TSNAX: variants seen among roughly 807,000 people sequenced by gnomAD.
The protein encoded by TSNAX is translin-associated protein X.
In TSNAX, 12 loss-of-function variants were observed where a neutral mutation model predicts 33.0. The observed-to-expected ratio is 0.36, with a 90% CI of 0.23 to 0.59. The LOEUF (loss-of-function observed/expected upper bound fraction) is 0.59, where lower values mean the gene tolerates loss of function less well. Ranked by LOEUF, TSNAX falls within the 20% of genes least tolerant of loss-of-function variation. TSNAX has a pLI of 0.74. For synonymous variants in TSNAX, 110 were observed against 117.2 expected (o/e 0.94, Z 0.40); for missense variants, 267 against 341.3 (o/e 0.78, Z 1.72).
intron 3 of TSNAX, among the ~76,000 whole-genome samples, chr1:231,539,453 A>G (rs1659411913): frequency 6.6e-6 from 1 of 152,166 alleles, no homozygotes; most frequent in African/African-American, 2.4e-5. Flanking sequence ...TGTTGCTAAG[A>G]AAGTTTTGGA....
chr1:231,539,736 T>G (rs376685070), intron 3 of TSNAX, among the ~76,000 whole-genome samples: 2 of 152,258 alleles, frequency 1.3e-5, no homozygotes, highest in East Asian at 3.8e-4. Context: ...AGCAGATTTC[T>G]TATTTTGTGC....
At chr1:231,547,477 G>A (rs1397575955) in intron 4 of TSNAX, among the ~76,000 whole-genome samples, 1 of 135,642 alleles carries the variant, frequency 7.4e-6, no homozygotes, top group Admixed American at 8.7e-5. Flanking sequence ...TGCAAGCTCC[G>A]CCTCCTGGGT....
chr1:231,556,878 G>A (rs1044262932), intron 4 of TSNAX, among the ~76,000 whole-genome samples: 1 of 151,854 alleles, frequency 6.6e-6, no homozygotes, highest in Admixed American at 6.5e-5. Flanking sequence ...TAATGTAAGT[G>A]GGGGTGAAAT....
intron 5 of TSNAX, among the ~76,000 whole-genome samples, chr1:231,563,887 G>A (rs140815138): frequency 1.6e-3 from 239 of 152,176 alleles, no homozygotes; most frequent in African/African-American, 4.9e-3. Flanking sequence ...AATTTGTAGC[G>A]GTACAGACTC....
At position 231,557,463 on chromosome 1, in the gene TSNAX, T is replaced by C. The variant is rs530420904; in HGVS notation, c.368-3665T>C. On this transcript the variant is annotated intron_variant, in intron 4 of 5. Transcript: ENST00000366639. The stretch of plus-strand genomic sequence containing the variant: ...ATTATGGTAATCTTAGCAAGAACTA[T>C]TTTGTTTTAGAGATGTACCCAAGCT... Among the ~76,000 whole-genome samples, 35 of 152,272 alleles carry C rather than the reference T, an allele frequency of 2.3e-4. No individual in the cohort carries two copies. The South Asian group carries it at 7.3e-3, about 32-fold the overall frequency.
At chr1:231,563,207 T>C (rs2124950211) in intron 5 of TSNAX, among the ~76,000 whole-genome samples, 1 of 152,338 alleles carries the variant, frequency 6.6e-6, no homozygotes, top group African/African-American at 2.4e-5. Context: ...ACCTAAAATG[T>C]CCTTTGATGT....
At position 231,551,455 on chromosome 1, in the gene TSNAX, A is replaced by G. The variant is rs1040413843; in HGVS notation, c.367+8844A>G. Among the ~76,000 whole-genome samples, 3 of 152,244 alleles carry G rather than the reference A, an allele frequency of 2.0e-5. No individual in the cohort carries two copies. The East Asian group carries it at 5.8e-4, about 29-fold the overall frequency. On this transcript the variant is annotated intron_variant, in intron 4 of 5. Coordinates refer to ENST00000366639, the MANE Select transcript of TSNAX (RefSeq NM_005999.3). ...TTCTTTCCTTTAGCATGAGAACATT[A>G]ATAGCTACCTCCTGGATTTTTTGGA...
At chr1:231,556,492 T>A (rs3767753) in intron 4 of TSNAX, among the ~76,000 whole-genome samples, 32,687 of 152,224 alleles carry the variant, frequency 0.21, 3,773 homozygotes, top group Admixed American at 0.29. Context: ...TTTGTGGTCT[T>A]ATCAACAGCT....
chr1:231,563,745 AAGGTTGTCTACTGAAAGTGAAG>A (rs1370620190), intron 5 of TSNAX: 1 of 151,816 alleles, frequency 6.6e-6, no homozygotes, highest in Non-Finnish European at 1.5e-5. Flanking sequence ...GAAATTGGGC[AAGGTTGTCTACTGAAAGTGAAG>A]AGGTTTGGGA....
Position 231,564,785 on chromosome 1 carries a change from C to T in TSNAX, c.753C>T (p.Ala251=), listed in dbSNP as rs1661325780. 6.2e-7 allele frequency: 1 copy of T among 1,613,954 alleles called. No individual in the cohort carries two copies. Among genetic ancestry groups the T allele is most frequent in the South Asian group, 1.1e-5 (1 of 91,074 alleles). The part of the protein sequence containing the change: ...KKLYTLKQSL[A]KVENACYALK... ...TGTATACCTTGAAACAAAGTTTGGC[C>T]AAAGTGGAGAATGCTTGTTATGCCT... The change falls in exon 6 of 6, where the codon GCC becomes GCT. Residue 251 remains alanine, a synonymous_variant. Coordinates refer to ENST00000366639, the MANE Select transcript of TSNAX (RefSeq NM_005999.3).
chr1:231,554,665 T>G (rs955541049), intron 4 of TSNAX: 1 of 152,166 alleles, frequency 6.6e-6, no homozygotes. Context: ...CAGAATGACA[T>G]GGAATCATGA....
intron 3 of TSNAX, among the ~76,000 whole-genome samples, chr1:231,538,671 C>T (rs1182876497): frequency 6.6e-6 from 1 of 152,118 alleles, no homozygotes; most frequent in East Asian, 1.9e-4. Context: ...TAGGGAAGAT[C>T]ACATATAATT....
At chr1:231,530,056 T>C (rs1317934227) in intron 2 of TSNAX, among the ~76,000 whole-genome samples, 1 of 152,240 alleles carries the variant, frequency 6.6e-6, no homozygotes, top group Non-Finnish European at 1.5e-5. Context: ...ACCAGCTCTC[T>C]GTTCCTGTCC....
Position 231,554,277 on chromosome 1 carries a change from T to C in TSNAX, c.368-6851T>C, listed in dbSNP as rs182180576. Among the ~76,000 whole-genome samples, 814 of 152,310 alleles carry C rather than the reference T, an allele frequency of 5.3e-3. 8 individuals carry two copies. Among genetic ancestry groups the C allele is most frequent in the South Asian group, 0.029 (142 of 4,824 alleles). ...TTTAACTTAAGTACAACTAGATAGT[T>C]CTGAATAATTGAATACCAAATTTTA... On this transcript the variant is annotated intron_variant, in intron 4 of 5. Transcript: ENST00000366639.
intron 4 of TSNAX, among the ~76,000 whole-genome samples, chr1:231,553,401 C>G (rs1182167706): frequency 6.6e-6 from 1 of 152,208 alleles, no homozygotes; most frequent in Non-Finnish European, 1.5e-5. Flanking sequence ...ACAGACTTCT[C>G]TCTTACTGGC....
At chr1:231,553,827 C>T (rs1382245012) in intron 4 of TSNAX, among the ~76,000 whole-genome samples, 2 of 152,040 alleles carry the variant, frequency 1.3e-5, no homozygotes, top group Non-Finnish European at 2.9e-5. Context: ...GCTGGGATTA[C>T]AGGCATGTGC....
chr1:231,564,969 A>G lies in TSNAX; in HGVS notation c.*64A>G. 1 of 1,523,886 alleles carries G rather than the reference A, an allele frequency of 6.6e-7. No homozygotes were observed. The allele number at this position is 1,523,886 out of a possible 1,614,324, so 94.4% of individuals were successfully genotyped here. Reference sequence around the variant, plus strand: ...CCTAAGAGACCAATTTGTAAGACTTATTTAGTATTTCATTTAACTTTATTG... The same window carrying G: ...CCTAAGAGACCAATTTGTAAGACTTGTTTAGTATTTCATTTAACTTTATTG... On this transcript the variant is annotated 3_prime_UTR_variant, in exon 6 of 6. Transcript: ENST00000366639.
At chr1:231,560,027 C>T (rs998224803) in intron 4 of TSNAX, among the ~76,000 whole-genome samples, 7 of 151,134 alleles carry the variant, frequency 4.6e-5, no homozygotes, top group Non-Finnish European at 5.9e-5. Context: ...CCGCCTAGGC[C>T]GCAGTGCAGT....
rs1470533314 is a variant in TSNAX, at chr1:231,561,073, A to T, written c.368-55A>T. ...ATCAATATGAAGTTTTTTTATTATG[A>T]CATTCTTACTAATTAAGTGCTTATT... On this transcript the variant is annotated intron_variant, in intron 4 of 5. Transcript: ENST00000366639. 5.1e-6 allele frequency: 8 copies of T among 1,555,390 alleles called. No homozygotes were observed. The Admixed American group carries it at 1.6e-4, about 32-fold the overall frequency.
Sources: allele counts gnomAD v4.1 joint callset (sites outside exome capture counted in the v4.1 genomes callset), GRCh38; gene constraint gnomAD v4.1.1; transcripts MANE v1.5; gene names NCBI Gene and HGNC (gene_info 2026-07-23, HGNC 2026-07-21).